The following PRIM2 variants were observed in gnomAD, a reference collection of about 807,000 sequenced individuals.
PRIM2 encodes the protein DNA primase subunit 2.
A neutral mutation model predicts 67.3 loss-of-function variants in PRIM2; 39 were observed. That is an observed-to-expected ratio of 0.58 (90% confidence interval 0.45 to 0.76). The LOEUF is 0.76. PRIM2 is among the 30% of genes least tolerant of loss of function. The pLI, the probability that PRIM2 is intolerant of heterozygous loss-of-function variation, is 0.00. For synonymous variants in PRIM2, 143 were observed against 198.7 expected (o/e 0.72, Z 2.36); for missense variants, 398 against 598.7 (o/e 0.66, Z 3.50).
rs1413131628 is a variant in PRIM2, at chr6:57,318,565, A to C, written c.120A>C (p.Ile40=). Residue 40 remains isoleucine (I), a synonymous_variant, in exon 2 of 14, where the codon ATA becomes ATC. Coordinates refer to ENST00000615550, the MANE Select transcript of PRIM2 (RefSeq NM_000947.5). ...CACCTTCTGAAAACATATCTTTAAT[A>C]GAATTTGAAAACTTGGCTATTGATA... ...LQPPSENISL[I]EFENLAIDRV... is the part of the protein sequence containing the mutation. 4 of 1,579,488 alleles carry C rather than the reference A, an allele frequency of 2.5e-6. No homozygotes were observed. The Admixed American group carries it at 5.5e-5, about 22-fold the overall frequency.
At chr6:57,315,540 A>C (rs1266490575), upstream of PRIM2, among the ~76,000 whole-genome samples, 1 of 152,170 alleles carries the variant, frequency 6.6e-6, no homozygotes, top group Non-Finnish European at 1.5e-5. Context: ...ATTTTGCAGG[A>C]GAAAATTTCT....
the PRIM2 span, among the ~76,000 whole-genome samples, chr6:57,264,172 T>C: frequency 6.6e-6 from 1 of 152,092 alleles, no homozygotes; most frequent in South Asian, 2.1e-4. Context: ...TATTGGCTCT[T>C]TTTTCCTCTT....
chr6:57,619,992 C>T (rs1268238061), intron 12 of PRIM2, among the ~76,000 whole-genome samples: 147 of 152,142 alleles, frequency 9.7e-4, no homozygotes, highest in Non-Finnish European at 1.8e-3. Context: ...GTCAGGAGAT[C>T]GAGACCGTCC....
chr6:57,566,915 A>G (rs1775754313), intron 10 of PRIM2, among the ~76,000 whole-genome samples: 2 of 152,056 alleles, frequency 1.3e-5, no homozygotes, highest in African/African-American at 4.8e-5. Context: ...AGTTTCCTTA[A>G]CCTTTCTGTG....
chr6:57,628,892 T>C (rs1776999563), intron 12 of PRIM2, among the ~76,000 whole-genome samples: 1 of 152,208 alleles, frequency 6.6e-6, no homozygotes, highest in South Asian at 2.1e-4. Flanking sequence ...TAAATTCTGT[T>C]TCACGCAGTG....
At chr6:57,627,615 C>G (rs1163438766) in intron 12 of PRIM2, among the ~76,000 whole-genome samples, 11 of 152,020 alleles carry the variant, frequency 7.2e-5, no homozygotes, top group African/African-American at 2.7e-4. Flanking sequence ...TCTTGAACTC[C>G]TGACCTCATG....
chr6:57,601,091 A>G lies in PRIM2; in HGVS notation c.1021-2A>G, dbSNP rs1776455450. 3 of 1,605,272 alleles carry G rather than the reference A, an allele frequency of 1.9e-6. No individual in the cohort carries two copies. Among genetic ancestry groups the G allele is most frequent in the Non-Finnish European group, 2.6e-6 (3 of 1,175,698 alleles). On this transcript the variant is annotated splice_acceptor_variant, in intron 10 of 13. Coordinates refer to ENST00000615550, the MANE Select transcript of PRIM2 (RefSeq NM_000947.5). LOFTEE classifies it high-confidence loss of function. ...TCTCTTTTTCCATTTCCTCCCAATC[A>G]GTTTGATAAAGGTTACTCTTACAAC...
intron 1 of PRIM2, among the ~76,000 whole-genome samples, chr6:57,318,186 A>G (rs1054399488): frequency 3.9e-5 from 6 of 152,150 alleles, no homozygotes; most frequent in African/African-American, 1.4e-4. Context: ...TGTTGCTGAA[A>G]ATTAGGATCA....
chr6:57,388,008 A>G, intron 7 of PRIM2, among the ~76,000 whole-genome samples: 1 of 152,142 alleles, frequency 6.6e-6, no homozygotes, highest in Non-Finnish European at 1.5e-5. Context: ...AGGCCCCCAA[A>G]GGGAGGAATC....
At chr6:57,273,319 T>C in the PRIM2 span, among the ~76,000 whole-genome samples, 2 of 152,198 alleles carry the variant, frequency 1.3e-5, no homozygotes, top group African/African-American at 4.8e-5. Context: ...GGAGGCTTTG[T>C]TCATTTCTTT....
intron 7 of PRIM2, among the ~76,000 whole-genome samples, chr6:57,464,296 G>A (rs1581933645): frequency 6.6e-6 from 1 of 151,506 alleles, no homozygotes; most frequent in Admixed American, 6.6e-5. Context: ...TTTTCCCCCC[G>A]AGATGGAGTC....
chr6:57,335,023 G>T (rs1235976531), intron 5 of PRIM2, among the ~76,000 whole-genome samples: 8 of 152,238 alleles, frequency 5.3e-5, no homozygotes, highest in African/African-American at 1.7e-4. Flanking sequence ...ACGAGCCGAA[G>T]CAGGGCGAGG....
chr6:57,554,084 G>A (rs1158979953), intron 10 of PRIM2, among the ~76,000 whole-genome samples: 1 of 151,818 alleles, frequency 6.6e-6, no homozygotes, highest in African/African-American at 2.4e-5. Flanking sequence ...TATTGATTGT[G>A]CCTTGAGGCC....
chr6:57,486,957 C>T (rs1326812380), intron 7 of PRIM2, among the ~76,000 whole-genome samples: 4 of 152,180 alleles, frequency 2.6e-5, no homozygotes, highest in Admixed American at 2.0e-4. Flanking sequence ...TTTTCATATT[C>T]AGAAAATAAA....
intron 11 of PRIM2, among the ~76,000 whole-genome samples, chr6:57,602,570 A>G (rs1776490392): frequency 6.6e-6 from 1 of 152,184 alleles, no homozygotes; most frequent in African/African-American, 2.4e-5. Context: ...CAGCCATACC[A>G]GGCAGTCAAC....
At chr6:57,497,602 T>G (rs1554346496) in intron 7 of PRIM2, 2 of 152,224 alleles carry the variant, frequency 1.3e-5, no homozygotes, top group African/African-American at 4.8e-5. Context: ...ATTAAACTAC[T>G]TGGGCATGTT....
intron 7 of PRIM2, among the ~76,000 whole-genome samples, chr6:57,487,147 T>A (rs1200767422): frequency 6.6e-6 from 1 of 152,172 alleles, no homozygotes; most frequent in Admixed American, 6.5e-5. Context: ...CTAATAAGCT[T>A]GTTTAATATT....
chr6:57,485,617 T>G, intron 7 of PRIM2, among the ~76,000 whole-genome samples: 1 of 152,280 alleles, frequency 6.6e-6, no homozygotes, highest in East Asian at 1.9e-4. Flanking sequence ...GGGAAAAAAA[T>G]GTATGTCTAT....
chr6:57,386,991 A>G (rs574237903), intron 7 of PRIM2, among the ~76,000 whole-genome samples: 1 of 152,304 alleles, frequency 6.6e-6, no homozygotes, highest in East Asian at 1.9e-4. Context: ...CTTTTATAAT[A>G]TGACTATCTA....
Sources: allele counts gnomAD v4.1 joint callset (sites outside exome capture counted in the v4.1 genomes callset), GRCh38; gene constraint gnomAD v4.1.1; transcripts MANE v1.5; gene names NCBI Gene and HGNC (gene_info 2026-07-23, HGNC 2026-07-21).